The following C21orf91 variants were observed in gnomAD, a reference collection of about 807,000 sequenced individuals.
C21orf91 encodes the protein protein EURL homolog.
A neutral mutation model predicts 32.9 loss-of-function variants in C21orf91; 26 were observed. That is an observed-to-expected ratio of 0.79 (90% CI 0.58 to 1.10). C21orf91 has a LOEUF of 1.10. Ranked by LOEUF, C21orf91 falls within the 50% of genes least tolerant of loss-of-function variation. The probability of loss-of-function intolerance (pLI) is 0.00; values close to 1 mark genes in which losing one functional copy is unlikely to be tolerated. For missense variants in C21orf91, 310 were observed against 341.3 expected (o/e 0.91, Z 0.72); for synonymous variants, 126 against 120.4 (o/e 1.05, Z -0.31).
At chr21:17,797,157 T>G (rs775630389) in intron 2 of C21orf91, 39 bp from the exon 3 acceptor site, 2 of 1,390,256 alleles carry the variant, frequency 1.4e-6, no homozygotes, top group South Asian at 1.4e-5. Flanking sequence ...TTGAGAAATT[T>G]TGTTTTCTAT....
In C21orf91 at chr21:17,790,419, T is replaced by A. The variant is rs1805961147; in HGVS notation, c.*2996A>T. The A allele has an allele frequency of 6.6e-6, 1 of 152,014 alleles. No homozygotes were observed. Among genetic ancestry groups the A allele is most frequent in the South Asian group, 2.1e-4 (1 of 4,830 alleles). The allele number at this position is 152,014 out of a possible 1,614,324, so 9.4% of individuals were successfully genotyped here. ...AAACCATTTTCAGTCATAAATATAG[T>A]AAAATGAAAAACCAAATCTCAAGAT... On this transcript the variant is annotated 3_prime_UTR_variant, in exon 5 of 5. Transcript: ENST00000284881.
rs1191316625 is a variant in C21orf91, at chr21:17,818,208, A to G, written c.111T>C (p.Phe37=). 1 of 1,610,672 alleles carries G rather than the reference A, an allele frequency of 6.2e-7. No homozygotes were observed. The highest frequency in any genetic ancestry group is 2.2e-5 in the East Asian group (1 of 44,844). ...KETLSFCHIC[F]ELNIEGVPKS... ...TGTCCTTACCCTCAATATTTAGCTC[A>G]AAACAAATGTGGCAGAAGGAGAGTG... The change falls in exon 2 of 5, where the codon TTT becomes TTC. Residue 37 remains phenylalanine, a synonymous_variant. Transcript: ENST00000284881.
intron 2 of C21orf91, among the ~76,000 whole-genome samples, chr21:17,797,867 A>C (rs1230115584): frequency 2.0e-5 from 3 of 152,052 alleles, no homozygotes; most frequent in Non-Finnish European, 4.4e-5. Flanking sequence ...TTACTTTTAT[A>C]TCTCTCAACT....
At chr21:17,816,493 T>C (rs576556937) in intron 2 of C21orf91, among the ~76,000 whole-genome samples, 1 of 152,222 alleles carries the variant, frequency 6.6e-6, no homozygotes, top group Non-Finnish European at 1.5e-5. Context: ...ACATCAGCCC[T>C]ATTGCTATAA....
chr21:17,807,531 G>A (rs780462589), intron 2 of C21orf91, among the ~76,000 whole-genome samples: 5 of 152,184 alleles, frequency 3.3e-5, no homozygotes, highest in African/African-American at 4.8e-5. Context: ...AGGATAATGC[G>A]CAGAGGTTGG....
chr21:17,813,902 T>G (rs1288123142), intron 2 of C21orf91: 1 of 152,084 alleles, frequency 6.6e-6, no homozygotes, highest in African/African-American at 2.4e-5. Flanking sequence ...CCTGGGAGAC[T>G]GAGGTGGGAG....
intron 2 of C21orf91, among the ~76,000 whole-genome samples, chr21:17,815,757 T>A (rs1404866255): frequency 1.3e-5 from 2 of 151,950 alleles, no homozygotes; most frequent in Non-Finnish European, 2.9e-5. Flanking sequence ...ACCTCCTGGG[T>A]TCAAGCGATT....
intron 4 of C21orf91, among the ~76,000 whole-genome samples, chr21:17,794,826 G>A (rs2062505735): frequency 6.6e-6 from 1 of 151,944 alleles, no homozygotes; most frequent in Non-Finnish European, 1.5e-5. Context: ...CAGCTCTTTG[G>A]GAGGCTGAGG....
rs966541264 is a variant in C21orf91 at position 17,793,000 on chromosome 21, T to C, written c.*415A>G. On this transcript the variant is annotated 3_prime_UTR_variant, in exon 5 of 5. Transcript: ENST00000284881. ...GTACCTAAAATAGCATTTTCACATA[T>C]AAAATTTTTATATTAAAATATTGCT... The C allele has an allele frequency of 6.5e-6, 1 of 152,706 alleles. No homozygotes were observed. The highest frequency in any genetic ancestry group is 2.4e-5 in the African/African-American group (1 of 41,454). 9.5% of individuals were successfully genotyped at this position (152,706 alleles called of 1,614,324 possible). A position where few individuals can be genotyped will look rare whatever the true frequency, so the allele number is the denominator to read the frequency against.
Position 17,790,623 on chromosome 21 carries a change from G to A in C21orf91, c.*2792C>T, listed in dbSNP as rs1264495610. ...TGCTCCACCATTGTGCATAGTCAAC[G>A]ACACAACAAAACACTATTCTGCTGC... On this transcript the variant is annotated 3_prime_UTR_variant, in exon 5 of 5. Coordinates refer to ENST00000284881, the MANE Select transcript of C21orf91 (RefSeq NM_001100420.2). The A allele has an allele frequency of 1.3e-5, 2 of 151,994 alleles. No individual in the cohort carries two copies. Among genetic ancestry groups the A allele is most frequent in the African/African-American group, 4.8e-5 (2 of 41,422 alleles). 9.4% of individuals were successfully genotyped at this position (151,994 alleles called of 1,614,324 possible).
rs2062461457 is a variant in C21orf91, at chr21:17,790,094, A to T, written c.*3321T>A. 6.6e-6 allele frequency: 1 copy of T among 152,166 alleles called. No homozygotes were observed. Among genetic ancestry groups the T allele is most frequent in the African/African-American group, 2.4e-5 (1 of 41,470 alleles). The allele number at this position is 152,166 out of a possible 1,614,324, so 9.4% of individuals were successfully genotyped here. A position where few individuals can be genotyped will look rare whatever the true frequency, so the allele number is the denominator to read the frequency against. On this transcript the variant is annotated 3_prime_UTR_variant, in exon 5 of 5. Coordinates refer to ENST00000284881, the MANE Select transcript of C21orf91 (RefSeq NM_001100420.2). ...AAAAAGTTGACAATAGAAGAATTTT[A>T]CATGGTACCATTTCAAATTTTCATG... is the stretch of plus-strand genomic sequence containing the variant.
chr21:17,814,761 C>T (rs539122368), intron 2 of C21orf91, among the ~76,000 whole-genome samples: 1 of 152,222 alleles, frequency 6.6e-6, no homozygotes, highest in African/African-American at 2.4e-5. Context: ...ATGTGAATTC[C>T]GCCTCCATGA....
At chr21:17,805,607 C>T (rs2062588996) in intron 2 of C21orf91, among the ~76,000 whole-genome samples, 1 of 152,188 alleles carries the variant, frequency 6.6e-6, no homozygotes, top group African/African-American at 2.4e-5. Context: ...AGCCACCACA[C>T]CCAGCTAGCG....
Position 17,796,710 on chromosome 21 carries a change from C to T in C21orf91, c.536G>A (p.Gly179Asp), listed in dbSNP as rs759632033. The T allele has an allele frequency of 1.2e-6, 2 of 1,614,088 alleles. No individual in the cohort carries two copies. Among genetic ancestry groups the T allele is most frequent in the Admixed American group, 1.7e-5 (1 of 60,010 alleles). ...TACACTGTTACGACATAAAGTGGCACCTGAATCTTGTAACATAGAAAGTCC... is the reference window on the plus strand; with the variant it reads ...TACACTGTTACGACATAAAGTGGCATCTGAATCTTGTAACATAGAAAGTCC... ...DFGLSMLQDS[G>D]ATLCRNSVLW... is the part of the protein sequence containing the mutation. Residue 179 changes from glycine to aspartate, a missense_variant, in exon 3 of 5, where the codon GGT (glycine) becomes GAT (aspartate). Gly to Asp is a moderately conservative substitution (Grantham distance 94). Coordinates refer to ENST00000284881, the MANE Select transcript of C21orf91 (RefSeq NM_001100420.2).
Position 17,807,068 on chromosome 21 carries a change from T to C in C21orf91, c.128-9950A>G, listed in dbSNP as rs1407247804. Among the ~76,000 whole-genome samples, 8 of 152,306 alleles carry C rather than the reference T, an allele frequency of 5.3e-5. 1 individual carries two copies. The South Asian group carries it at 1.7e-3, about 32-fold the overall frequency. ...CTTTTCTGGAGAACTTTCTAATATG[T>C]AGGAATTATATTTTATCTATACTGT... is the stretch of plus-strand genomic sequence containing the variant. On this transcript the variant is annotated intron_variant, in intron 2 of 4. Coordinates refer to ENST00000284881, the MANE Select transcript of C21orf91 (RefSeq NM_001100420.2).
Position 17,795,237 on chromosome 21 carries a change from A to C in C21orf91, c.698T>G (p.Leu233Arg), listed in dbSNP as rs2062508976. The change falls in exon 4 of 5, where the codon CTG becomes CGG. Residue 233 changes from leucine to arginine, a missense_variant. By Grantham distance (102) the Leu-to-Arg change is moderately radical (BLOSUM62 -2). Transcript: ENST00000284881. ...GATTTGCTGTAGGAGCTTTGCATTC[A>C]GTTGCTCTACCTCACCAAGAGTCAT... is the stretch of plus-strand genomic sequence containing the variant. ...NSMTLGEVEQ[L>R]NAKLLQQIQE... 1.2e-6 allele frequency: 2 copies of C among 1,611,792 alleles called. No homozygotes were observed. The highest frequency in any genetic ancestry group is 4.5e-5 in the East Asian group (2 of 44,872).
chr21:17,808,818 G>C (rs1984705764), intron 2 of C21orf91: 1 of 152,192 alleles, frequency 6.6e-6, no homozygotes, highest in Non-Finnish European at 1.5e-5. Flanking sequence ...GGGACAGAAT[G>C]ATATGGTTTG....
chr21:17,807,054 A>G (rs905094710), intron 2 of C21orf91, among the ~76,000 whole-genome samples: 7 of 152,170 alleles, frequency 4.6e-5, no homozygotes, highest in African/African-American at 1.7e-4. Flanking sequence ...TTTTCTGGAG[A>G]ACTTTCTAAT....
Position 17,792,765 on chromosome 21 carries a change from T to G in C21orf91, c.*650A>C, listed in dbSNP as rs1174173053. The G allele has an allele frequency of 6.6e-6, 1 of 152,656 alleles. No homozygotes were observed. Among genetic ancestry groups the G allele is most frequent in the African/African-American group, 2.4e-5 (1 of 41,464 alleles). 9.5% of individuals were successfully genotyped at this position (152,656 alleles called of 1,614,324 possible). A position where few individuals can be genotyped will look rare whatever the true frequency, so the allele number is the denominator to read the frequency against. ...TACTGCTTTAAAAAGTTATTAATTC[T>G]TCTTTTACAAGAGGTATTAGAAATT... On this transcript the variant is annotated 3_prime_UTR_variant, in exon 5 of 5. Coordinates refer to ENST00000284881, the MANE Select transcript of C21orf91 (RefSeq NM_001100420.2).
Sources: allele counts gnomAD v4.1 joint callset (sites outside exome capture counted in the v4.1 genomes callset), GRCh38; gene constraint gnomAD v4.1.1; transcripts MANE v1.5; gene names NCBI Gene and HGNC (gene_info 2026-07-23, HGNC 2026-07-21).